TTC29: variants seen among roughly 807,000 people sequenced by gnomAD.
TTC29 encodes tetratricopeptide repeat domain 29.
A neutral mutation model predicts 58.1 loss-of-function variants in TTC29; 49 were observed. The observed-to-expected ratio is 0.84, with a 90% CI of 0.67 to 1.07. TTC29 has a LOEUF of 1.07. Among genes scored for constraint, TTC29 ranks in the 50% least tolerant of loss-of-function variants. The pLI is 0.00. For synonymous variants in TTC29, 209 were observed against 196.8 expected (o/e 1.06, Z -0.52); for missense variants, 582 against 555.6 (o/e 1.05, Z -0.48).
intron 10 of TTC29, among the ~76,000 whole-genome samples, chr4:146,810,674 T>C (rs1378958034): frequency 2.1e-5 from 3 of 140,006 alleles, no homozygotes; most frequent in Non-Finnish European, 4.5e-5. Context: ...TCACGCAACC[T>C]CTGTCTCCCA....
At chr4:146,796,428 C>G (rs563502069) in intron 11 of TTC29, among the ~76,000 whole-genome samples, 106 of 152,222 alleles carry the variant, frequency 7.0e-4, no homozygotes, top group Admixed American at 1.2e-3. Flanking sequence ...GAGAAACTTA[C>G]ACAAGGTGAG....
intron 4 of TTC29, among the ~76,000 whole-genome samples, chr4:146,933,752 A>G (rs1440990533): frequency 1.3e-5 from 2 of 152,246 alleles, no homozygotes. Flanking sequence ...GTAACGAAGC[A>G]TACTGAAATT....
chr4:146,731,477 GCAAA>G (rs1023595115), intron 11 of TTC29, among the ~76,000 whole-genome samples: 1 of 152,022 alleles, frequency 6.6e-6, no homozygotes, highest in African/African-American at 2.4e-5. Flanking sequence ...TTGTAAGAGT[GCAAA>G]CAGACAGCAG....
chr4:146,782,109 C>T (rs141938658), intron 11 of TTC29, among the ~76,000 whole-genome samples: 18 of 151,766 alleles, frequency 1.2e-4, no homozygotes, highest in South Asian at 2.1e-4. Context: ...CAACCTATTA[C>T]AAATTCTATC....
At chr4:146,759,456 A>G (rs945570930) in intron 11 of TTC29, among the ~76,000 whole-genome samples, 1 of 152,116 alleles carries the variant, frequency 6.6e-6, no homozygotes, top group Admixed American at 6.6e-5. Flanking sequence ...TAACCCTAAT[A>G]CCAAAACCAG....
At chr4:146,746,387 A>G (rs1377584135) in intron 11 of TTC29, among the ~76,000 whole-genome samples, 2 of 152,138 alleles carry the variant, frequency 1.3e-5, no homozygotes, top group Non-Finnish European at 2.9e-5. Context: ...TTCCAAATAT[A>G]CTTAGTACTG....
At chr4:146,715,656 C>T (rs115426506) in intron 11 of TTC29, among the ~76,000 whole-genome samples, 396 of 152,146 alleles carry the variant, frequency 2.6e-3, no homozygotes, top group African/African-American at 9.0e-3. Context: ...TTAATGGATA[C>T]AAAATTACAG....
chr4:146,756,032 C>T (rs149194080), intron 11 of TTC29, among the ~76,000 whole-genome samples: 7,341 of 151,960 alleles, frequency 0.048, 605 homozygotes, highest in African/African-American at 0.17. Context: ...CCCAGCAATT[C>T]GGGAGGCCGA....
chr4:146,912,438 T>C (rs927390797), intron 4 of TTC29, among the ~76,000 whole-genome samples: 5 of 152,224 alleles, frequency 3.3e-5, no homozygotes, highest in African/African-American at 1.2e-4. Flanking sequence ...TATTTCTATT[T>C]GCTAAATCTA....
At chr4:146,730,369 A>C (rs1579543736) in intron 11 of TTC29, among the ~76,000 whole-genome samples, 1 of 152,160 alleles carries the variant, frequency 6.6e-6, no homozygotes, top group Non-Finnish European at 1.5e-5. Context: ...TCGAGTGGAG[A>C]TATCAGATAG....
chr4:146,883,459 CT>C (rs1354728619), intron 6 of TTC29, among the ~76,000 whole-genome samples: 1 of 151,888 alleles, frequency 6.6e-6, no homozygotes, highest in Non-Finnish European at 1.5e-5. Context: ...GGGAATACCC[CT>C]GTTAAAGGTT....
intron 6 of TTC29, among the ~76,000 whole-genome samples, chr4:146,880,689 T>C (rs1447399547): frequency 1.3e-5 from 2 of 152,156 alleles, no homozygotes; most frequent in East Asian, 3.9e-4. Flanking sequence ...AGTAGGAAGA[T>C]TGACTAGATA....
intron 11 of TTC29, among the ~76,000 whole-genome samples, chr4:146,728,673 C>T (rs1743980265): frequency 6.8e-6 from 1 of 147,248 alleles, no homozygotes; most frequent in Admixed American, 6.9e-5. Flanking sequence ...TATATATACA[C>T]ATATATGATT....
intron 8 of TTC29, among the ~76,000 whole-genome samples, chr4:146,864,735 T>C (rs1025380979): frequency 2.0e-5 from 3 of 152,160 alleles, no homozygotes; most frequent in African/African-American, 7.2e-5. Flanking sequence ...TGTCTTCACA[T>C]GGTCTTTTCC....
At chr4:146,902,750 G>A (rs376550762) in intron 6 of TTC29, among the ~76,000 whole-genome samples, 5 of 152,194 alleles carry the variant, frequency 3.3e-5, no homozygotes, top group Admixed American at 6.6e-5. Context: ...GGCGCCTTGC[G>A]AGCTTTAGCT....
chr4:146,892,928 C>T (rs889664379), intron 6 of TTC29, among the ~76,000 whole-genome samples: 6 of 152,098 alleles, frequency 3.9e-5, no homozygotes, highest in African/African-American at 1.4e-4. Flanking sequence ...CTCCCATTCA[C>T]AATTGCTTCA....
At chr4:146,723,738 T>A (rs1296690989) in intron 11 of TTC29, among the ~76,000 whole-genome samples, 1 of 152,158 alleles carries the variant, frequency 6.6e-6, no homozygotes, top group Non-Finnish European at 1.5e-5. Flanking sequence ...CAGATGCTTG[T>A]GAGCCTGTGG....
intron 8 of TTC29, among the ~76,000 whole-genome samples, chr4:146,866,520 G>A (rs1730574503): frequency 6.6e-6 from 1 of 152,040 alleles, no homozygotes; most frequent in Non-Finnish European, 1.5e-5. Context: ...TTTGAATTGT[G>A]GTTATGCTTG....
Position 146,803,617 on chromosome 4 carries a change from C to T in TTC29, c.1170G>A (p.Met390Ile), listed in dbSNP as rs142621179. ...AFDTTVELMS[M>I]PLMDETKVHY... The stretch of plus-strand genomic sequence containing the variant: ...GAACTTTTGTCTCATCCATCAGAGG[C>T]ATGCTCATTAGCTCTACTGTTGTGT... The change falls in exon 11 of 13, where the codon ATG becomes ATA. Residue 390 changes from methionine to isoleucine, a missense_variant. Physicochemically the swap from Met to Ile is conservative, Grantham distance 10. Coordinates refer to ENST00000325106, the MANE Select transcript of TTC29 (RefSeq NM_031956.4). 1.9e-4 allele frequency: 312 copies of T among 1,609,610 alleles called. No individual in the cohort carries two copies. The East Asian group carries it at 6.9e-3, about 35-fold the overall frequency.
Sources: gnomAD v4.1 joint callset for allele counts (sites outside exome capture counted in the v4.1 genomes callset) on GRCh38, gnomAD v4.1.1 for gene constraint, MANE v1.5 for transcripts, NCBI Gene and HGNC (gene_info 2026-07-23, HGNC 2026-07-21) for gene names.